LRP1B: variants seen among roughly 807,000 people sequenced by gnomAD.
The protein encoded by LRP1B is low-density lipoprotein receptor-related protein 1B.
LRP1B carries 217 observed loss-of-function variants against 556.6 expected under a neutral mutation model. The observed-to-expected ratio is 0.39, with a 90% CI of 0.35 to 0.44. The LOEUF is 0.44. LRP1B is among the 20% of genes least tolerant of loss of function. The pLI is 1.00. For missense variants in LRP1B, 5,053 were observed against 5,620.8 expected (o/e 0.90, Z 3.23); for synonymous variants, 2,047 against 1,865.8 (o/e 1.10, Z -2.50).
intron 3 of LRP1B, among the ~76,000 whole-genome samples, chr2:141,274,731 T>C (rs1685220903): frequency 6.6e-6 from 1 of 152,196 alleles, no homozygotes; most frequent in Admixed American, 6.5e-5. Context: ...AAAGCCATTA[T>C]TTTTAAATCA....
chr2:140,312,618 A>ATAGT (rs1684354099), intron 83 of LRP1B, among the ~76,000 whole-genome samples: 1 of 151,876 alleles, frequency 6.6e-6, no homozygotes, highest in Non-Finnish European at 1.5e-5. Flanking sequence ...CTCTGATTTC[A>ATAGT]ATTATTTTGT....
Position 140,455,660 on chromosome 2 carries a change from A to G in LRP1B, c.9963+795T>C, listed in dbSNP as rs540852195. On this transcript the variant is annotated intron_variant, in intron 62 of 90. Coordinates refer to ENST00000389484, the MANE Select transcript of LRP1B (RefSeq NM_018557.3). ...TAAATCTAATCTGAAAGGCAAGCTG[A>G]GCTAAATTTAGCTTCTCCATTTTGA... is the stretch of plus-strand genomic sequence containing the variant. 5.3e-5 allele frequency among the ~76,000 whole-genome samples: 8 copies of G among 152,312 alleles called. 3 individuals are homozygous for G. Among genetic ancestry groups the G allele is most frequent in the African/African-American group, 1.9e-4 (8 of 41,582 alleles).
rs560151345 is a variant in LRP1B at position 140,972,175 on chromosome 2, T to C, written c.2887+9985A>G. 1.8e-4 allele frequency among the ~76,000 whole-genome samples: 28 copies of C among 152,290 alleles called. 1 individual carries two copies. The highest frequency in any genetic ancestry group is 6.8e-3 in the Middle Eastern group (2 of 294). ...AAGAAAGATGCGAAATAATGCCACATGCATGTAAGAATAACAAGAAGACAA... is the reference window on the plus strand; with the variant it reads ...AAGAAAGATGCGAAATAATGCCACACGCATGTAAGAATAACAAGAAGACAA... On this transcript the variant is annotated intron_variant, in intron 18 of 90. Coordinates refer to ENST00000389484, the MANE Select transcript of LRP1B (RefSeq NM_018557.3).
At chr2:140,693,596 C>A (rs1686321364) in intron 41 of LRP1B, among the ~76,000 whole-genome samples, 1 of 151,986 alleles carries the variant, frequency 6.6e-6, no homozygotes. Context: ...TTAAGATTAT[C>A]TTTTATGTCC....
At chr2:140,429,435 T>C (rs1259720769) in intron 66 of LRP1B, among the ~76,000 whole-genome samples, 1 of 152,128 alleles carries the variant, frequency 6.6e-6, no homozygotes, top group Non-Finnish European at 1.5e-5. Flanking sequence ...CCAGCCTCTC[T>C]TCGCTTTCAC....
At chr2:140,844,049 GC>G (rs1692200359) in intron 29 of LRP1B, among the ~76,000 whole-genome samples, 1 of 151,852 alleles carries the variant, frequency 6.6e-6, no homozygotes, top group South Asian at 2.1e-4. Flanking sequence ...ACGTACTCAA[GC>G]AATCTTAATT....
intron 3 of LRP1B, among the ~76,000 whole-genome samples, chr2:141,341,161 C>T (rs979431978): frequency 5.8e-4 from 89 of 152,274 alleles, no homozygotes; most frequent in African/African-American, 2.1e-3. Context: ...TTTTAGGAAG[C>T]AAGCACAGGC....
intron 1 of LRP1B, among the ~76,000 whole-genome samples, chr2:142,118,772 T>G (rs1460892520): frequency 6.6e-6 from 1 of 152,142 alleles, no homozygotes; most frequent in Non-Finnish European, 1.5e-5. Context: ...GGCACCCCTC[T>G]GCTAAAGTAC....
rs528707682 is a variant in LRP1B, at chr2:140,592,450, T to A, written c.7194+6181A>T. 7.2e-5 allele frequency among the ~76,000 whole-genome samples: 11 copies of A among 152,238 alleles called. No homozygotes were observed. In the East Asian group the frequency reaches 2.1e-3, roughly 29 times the overall value. On this transcript the variant is annotated intron_variant, in intron 43 of 90. Coordinates refer to ENST00000389484, the MANE Select transcript of LRP1B (RefSeq NM_018557.3). ...AATTTTTAAATCAAATATTTCCTTT[T>A]TTTTTTTAGAAGTTGACACTCATCT...
intron 2 of LRP1B, among the ~76,000 whole-genome samples, chr2:141,623,682 G>A (rs533476488): frequency 4.0e-5 from 6 of 151,870 alleles, no homozygotes; most frequent in South Asian, 4.2e-4. Context: ...CCTCTTCACC[G>A]GGGCAACATA....
At chr2:141,966,199 G>C (rs575385462) in intron 1 of LRP1B, among the ~76,000 whole-genome samples, 2 of 151,822 alleles carry the variant, frequency 1.3e-5, no homozygotes, top group Non-Finnish European at 2.9e-5. Context: ...AACTACAGCA[G>C]GACAAAATTC....
intron 7 of LRP1B, among the ~76,000 whole-genome samples, chr2:141,080,676 T>C (rs1269521213): frequency 6.6e-6 from 1 of 152,210 alleles, no homozygotes; most frequent in Non-Finnish European, 1.5e-5. Flanking sequence ...ACCGTCAGAT[T>C]GACCTGCGTT....
chr2:141,867,832 T>C lies in LRP1B; in HGVS notation c.83-57431A>G, dbSNP rs185772600. On this transcript the variant is annotated intron_variant, in intron 1 of 90. Transcript: ENST00000389484. ...ACTTATATCCTATTGTATGTATAAA[T>C]TCAGTTAGACAATTTTAAAAGGGGG... Among the ~76,000 whole-genome samples, 141 of 152,254 alleles carry C rather than the reference T, an allele frequency of 9.3e-4. 1 individual carries two copies. Among genetic ancestry groups the C allele is most frequent in the Middle Eastern group, 3.4e-3 (1 of 294 alleles).
At chr2:141,824,928 C>G (rs971957370) in intron 1 of LRP1B, among the ~76,000 whole-genome samples, 1 of 152,106 alleles carries the variant, frequency 6.6e-6, no homozygotes, top group African/African-American at 2.4e-5. Context: ...TCTTGCTGTT[C>G]TCTAGATAGT....
At chr2:141,818,509 C>T (rs971360387) in intron 1 of LRP1B, among the ~76,000 whole-genome samples, 2 of 150,220 alleles carry the variant, frequency 1.3e-5, no homozygotes, top group African/African-American at 4.9e-5. Flanking sequence ...ATTCACTTTC[C>T]CTAAATATAA....
intron 2 of LRP1B, among the ~76,000 whole-genome samples, chr2:141,755,046 T>A (rs1473580852): frequency 6.6e-6 from 1 of 152,126 alleles, no homozygotes; most frequent in African/African-American, 2.4e-5. Flanking sequence ...AAACTGTCCC[T>A]CATTTCAAAT....
intron 21 of LRP1B, among the ~76,000 whole-genome samples, chr2:140,914,765 G>C (rs904784931): frequency 1.3e-5 from 2 of 152,160 alleles, no homozygotes; most frequent in African/African-American, 4.8e-5. Flanking sequence ...TGTGGCTAAA[G>C]AGAACAATCC....
chr2:140,250,888 A>T (rs1234415583), intron 86 of LRP1B, among the ~76,000 whole-genome samples: 1 of 151,758 alleles, frequency 6.6e-6, no homozygotes, highest in Non-Finnish European at 1.5e-5. Flanking sequence ...TATTGTGAGG[A>T]TGAGAATAAT....
intron 82 of LRP1B, among the ~76,000 whole-genome samples, chr2:140,321,575 CA>C (rs1238894237): frequency 6.6e-6 from 1 of 151,836 alleles, no homozygotes; most frequent in Non-Finnish European, 1.5e-5. Context: ...GTTTGGCACA[CA>C]AGAGGTAATC....
Sources: allele counts gnomAD v4.1 joint callset (sites outside exome capture counted in the v4.1 genomes callset), GRCh38; gene constraint gnomAD v4.1.1; transcripts MANE v1.5; gene names NCBI Gene and HGNC (gene_info 2026-07-23, HGNC 2026-07-21).